HTR2C: variants seen among roughly 807,000 people sequenced by gnomAD.
HTR2C encodes the protein 5-hydroxytryptamine (serotonin) receptor 2C, G protein-coupled.
Under a neutral mutation model 21.0 loss-of-function variants are expected in HTR2C, and 5 were observed. That is an observed-to-expected ratio of 0.24 (90% CI 0.12 to 0.50). The LOEUF (loss-of-function observed/expected upper bound fraction) is 0.50. HTR2C is among the 20% of genes least tolerant of loss of function. The pLI, the probability that HTR2C is intolerant of heterozygous loss-of-function variation, is 0.98. For synonymous variants in HTR2C, 150 were observed against 145.3 expected (o/e 1.03, Z -0.23); for missense variants, 271 against 371.2 (o/e 0.73, Z 2.22).
At chrX:114,805,099 G>C (rs1177523001) in intron 4 of HTR2C, among the ~76,000 whole-genome samples, 3 of 111,639 alleles carry the variant, frequency 2.7e-5, no homozygotes, top group Non-Finnish European at 3.8e-5. Flanking sequence ...CAGAAACTAG[G>C]CTCTGCCATA....
Position 114,848,160 on chromosome X carries a change from T to C in HTR2C, c.507T>C (p.Thr169=). The part of the protein sequence containing the change: ...PIEHSRFNSR[T]KAIMKIAIVW... Reference sequence around the variant, plus strand: ...AGCATAGCCGTTTCAATTCGCGGACTAAGGCCATCATGAAGATTGCTATTG... The same window carrying C: ...AGCATAGCCGTTTCAATTCGCGGACCAAGGCCATCATGAAGATTGCTATTG... The change falls in exon 5 of 6, where the codon ACT becomes ACC. Residue 169 remains threonine, a synonymous_variant. Coordinates refer to ENST00000276198, the MANE Select transcript of HTR2C (RefSeq NM_000868.4). 1 of 1,211,384 alleles carries C rather than the reference T, an allele frequency of 8.3e-7. No homozygotes were observed. The highest frequency in any genetic ancestry group is 1.1e-6 in the Non-Finnish European group (1 of 895,062).
intron 5 of HTR2C, among the ~76,000 whole-genome samples, chrX:114,896,303 C>T (rs1556484088): frequency 1.7e-4 from 19 of 112,243 alleles, no homozygotes; most frequent in Non-Finnish European, 1.9e-5. Flanking sequence ...TCTTGATAAG[C>T]ATTCCATGTG....
intron 4 of HTR2C, among the ~76,000 whole-genome samples, chrX:114,798,883 A>G (rs782071996): frequency 9.0e-6 from 1 of 110,922 alleles, no homozygotes; most frequent in South Asian, 3.8e-4. Context: ...ATCTCCTGTT[A>G]ATTAAGTAGC....
intron 2 of HTR2C, among the ~76,000 whole-genome samples, chrX:114,717,198 A>G (rs782046897): frequency 1.8e-5 from 2 of 110,380 alleles, no homozygotes; most frequent in East Asian, 5.7e-4. Context: ...CAGCCTCTCA[A>G]GTAGCTAGGA....
intron 1 of HTR2C, among the ~76,000 whole-genome samples, chrX:114,606,503 G>A (rs782431654): frequency 8.1e-5 from 9 of 111,332 alleles, no homozygotes; most frequent in African/African-American, 2.3e-4. Context: ...TTGGGTCCAC[G>A]GATAAAACAT....
At chrX:114,777,402 G>A (rs2070069580) in intron 4 of HTR2C, among the ~76,000 whole-genome samples, 1 of 111,569 alleles carries the variant, frequency 9.0e-6, no homozygotes, top group South Asian at 3.7e-4. Context: ...GTGTACCAGG[G>A]CCCTAGCCTC....
intron 5 of HTR2C, among the ~76,000 whole-genome samples, chrX:114,883,887 CT>C (rs1281128495): frequency 3.7e-5 from 4 of 109,496 alleles, no homozygotes; most frequent in East Asian, 2.9e-4. Flanking sequence ...CCTATTTCCC[CT>C]TTTTTTTAAC....
At chrX:114,679,295 TAGAGAC>T (rs1556413221) in intron 2 of HTR2C, among the ~76,000 whole-genome samples, 1 of 110,855 alleles carries the variant, frequency 9.0e-6, no homozygotes, top group African/African-American at 3.3e-5. Flanking sequence ...TTATTATTAT[TAGAGAC>T]AGAGTCTTGC....
At chrX:114,769,626 T>C (rs2069980199) in intron 4 of HTR2C, among the ~76,000 whole-genome samples, 1 of 111,408 alleles carries the variant, frequency 9.0e-6, no homozygotes, top group African/African-American at 3.2e-5. Context: ...GCATCTTAAT[T>C]TGAAACAATC....
At chrX:114,624,181 C>G (rs1402581811) in intron 2 of HTR2C, among the ~76,000 whole-genome samples, 1 of 110,510 alleles carries the variant, frequency 9.0e-6, no homozygotes, top group East Asian at 2.8e-4. Context: ...TGGGCGTGAC[C>G]TACCCCACCC....
chrX:114,615,197 A>C (rs1299646990), intron 2 of HTR2C, among the ~76,000 whole-genome samples: 1 of 111,786 alleles, frequency 8.9e-6, no homozygotes. Flanking sequence ...GTGATTTGAC[A>C]TCAAGACAGT....
chrX:114,830,848 C>T (rs1394627014), intron 4 of HTR2C, among the ~76,000 whole-genome samples: 1 of 7,173 alleles, frequency 1.4e-4, no homozygotes, highest in African/African-American at 2.0e-4. Context: ...CCTCCCCCCT[C>T]CCCCCCACCC....
intron 4 of HTR2C, among the ~76,000 whole-genome samples, chrX:114,794,184 C>A (rs183780024): frequency 4.0e-4 from 44 of 111,075 alleles, no homozygotes; most frequent in African/African-American, 1.2e-3. Context: ...AATTATATAA[C>A]CAAAATGCCT....
intron 4 of HTR2C, chrX:114,775,884 C>T: frequency 2.7e-6 from 1 of 374,265 alleles, no homozygotes; most frequent in Non-Finnish European, 4.8e-6. Context: ...TTAAATTGGG[C>T]ACAGGCAATG....
chrX:114,682,221 AC>A (rs1931769448), intron 2 of HTR2C, among the ~76,000 whole-genome samples: 1 of 111,581 alleles, frequency 9.0e-6, no homozygotes, highest in African/African-American at 3.2e-5. Flanking sequence ...AATACCCAGA[AC>A]CACAAAGAAA....
At chrX:114,744,543 C>T (rs886532753) in intron 4 of HTR2C, among the ~76,000 whole-genome samples, 1 of 107,867 alleles carries the variant, frequency 9.3e-6, no homozygotes, top group Non-Finnish European at 1.9e-5. Flanking sequence ...AGCTCTGCCT[C>T]CCAGGTTCAC....
chrX:114,772,090 A>G (rs2070010039), intron 4 of HTR2C, among the ~76,000 whole-genome samples: 1 of 111,531 alleles, frequency 9.0e-6, no homozygotes, highest in South Asian at 3.7e-4. Context: ...TTTTAAATGA[A>G]TATCTTTTAA....
chrX:114,752,009 T>C (rs2069764813), intron 4 of HTR2C, among the ~76,000 whole-genome samples: 1 of 111,980 alleles, frequency 8.9e-6, no homozygotes, highest in South Asian at 3.7e-4. Flanking sequence ...ACCGTTAAAC[T>C]TAAGAGATGC....
intron 4 of HTR2C, among the ~76,000 whole-genome samples, chrX:114,756,373 A>G (rs911141569): frequency 2.7e-5 from 3 of 111,794 alleles, no homozygotes; most frequent in African/African-American, 9.8e-5. Flanking sequence ...ATGAAGATTT[A>G]TATTTACACA....
Sources: gnomAD v4.1 joint callset for allele counts (sites outside exome capture counted in the v4.1 genomes callset) on GRCh38, gnomAD v4.1.1 for gene constraint, MANE v1.5 for transcripts, NCBI Gene and HGNC (gene_info 2026-07-23, HGNC 2026-07-21) for gene names.